Variants in CPNE4 observed in about 807,000 individuals in gnomAD.
CPNE4 encodes the protein copine-4.
CPNE4 carries 25 observed loss-of-function variants against 67.9 expected under a neutral mutation model. That is an observed-to-expected ratio of 0.37 (90% CI 0.27 to 0.51). The LOEUF is 0.51. CPNE4 is among the 20% of genes least tolerant of loss of function. CPNE4 has a pLI of 0.93. For missense variants in CPNE4, 464 were observed against 690.8 expected (o/e 0.67, Z 3.68); for synonymous variants, 242 against 244.9 (o/e 0.99, Z 0.11).
intron 2 of CPNE4, among the ~76,000 whole-genome samples, chr3:131,770,948 T>C (rs918108672): frequency 1.3e-5 from 2 of 152,172 alleles, no homozygotes; most frequent in Non-Finnish European, 2.9e-5. Flanking sequence ...GATATTTCAT[T>C]TTATTGATCA....
intron 12 of CPNE4, among the ~76,000 whole-genome samples, chr3:131,553,016 A>T (rs1281009640): frequency 6.6e-6 from 1 of 152,114 alleles, no homozygotes; most frequent in Non-Finnish European, 1.5e-5. Context: ...CTACAGGTAA[A>T]ACAGACTGCA....
chr3:131,589,114 T>A (rs1938369913), intron 7 of CPNE4, among the ~76,000 whole-genome samples: 1 of 152,100 alleles, frequency 6.6e-6, no homozygotes, highest in Non-Finnish European at 1.5e-5. Flanking sequence ...TATGAAAGGA[T>A]GTTTATTGGG....
At chr3:131,700,215 A>G (rs975888831) in intron 3 of CPNE4, among the ~76,000 whole-genome samples, 2 of 152,062 alleles carry the variant, frequency 1.3e-5, no homozygotes, top group African/African-American at 4.8e-5. Flanking sequence ...AGAATTACAG[A>G]TAATGCAGTC....
intron 7 of CPNE4, among the ~76,000 whole-genome samples, chr3:131,658,042 A>G (rs375958778): frequency 1.2e-4 from 18 of 152,272 alleles, no homozygotes; most frequent in African/African-American, 3.8e-4. Context: ...TTCTGCTTCA[A>G]AAGTATTCAG....
intron 7 of CPNE4, among the ~76,000 whole-genome samples, chr3:131,637,909 GC>G (rs1210706943): frequency 1.3e-5 from 2 of 152,048 alleles, no homozygotes; most frequent in East Asian, 3.8e-4. Flanking sequence ...AAAATTATCA[GC>G]CAAAATTTTG....
At chr3:131,570,785 A>G (rs555893855) in intron 10 of CPNE4, among the ~76,000 whole-genome samples, 5 of 152,192 alleles carry the variant, frequency 3.3e-5, no homozygotes, top group African/African-American at 9.6e-5. Context: ...TAGATCATGT[A>G]TCAAATTCTC....
At chr3:131,710,437 A>G (rs1200729533) in intron 3 of CPNE4, among the ~76,000 whole-genome samples, 3 of 152,138 alleles carry the variant, frequency 2.0e-5, no homozygotes, top group Non-Finnish European at 4.4e-5. Flanking sequence ...GGATACTTTT[A>G]TCCTCTCTGT....
chr3:131,846,320 ATCT>A (rs1443243819), intron 2 of CPNE4, among the ~76,000 whole-genome samples: 3 of 152,198 alleles, frequency 2.0e-5, no homozygotes, highest in Non-Finnish European at 4.4e-5. Flanking sequence ...AATCGCTGGT[ATCT>A]TCTTCTCTCC....
intron 2 of CPNE4, among the ~76,000 whole-genome samples, chr3:131,792,741 ATATG>A (rs1457667915): frequency 7.4e-6 from 1 of 135,658 alleles, no homozygotes; most frequent in Non-Finnish European, 1.6e-5. Context: ...ACGTGTGTAT[ATATG>A]TATATATATA....
chr3:131,751,898 A>T (rs1179395955), intron 2 of CPNE4, among the ~76,000 whole-genome samples: 1 of 152,054 alleles, frequency 6.6e-6, no homozygotes, highest in African/African-American at 2.4e-5. Flanking sequence ...TGACAGCCAA[A>T]GCTTGAGGCT....
At position 131,753,268 on chromosome 3, in the gene CPNE4, A is replaced by G. The variant is rs145369463; in HGVS notation, c.181-29643T>C. On this transcript the variant is annotated intron_variant, in intron 2 of 15. Transcript: ENST00000429747. Reference sequence around the variant, plus strand: ...TTACTCCATACTGAAATTAAAAAGCATGTCTAGAGACCGTAAATTCTCAAA... The same window carrying G: ...TTACTCCATACTGAAATTAAAAAGCGTGTCTAGAGACCGTAAATTCTCAAA... Among the ~76,000 whole-genome samples, 602 of 152,062 alleles carry G rather than the reference A, an allele frequency of 4.0e-3. 6 individuals carry two copies. Among genetic ancestry groups the G allele is most frequent in the African/African-American group, 0.014 (571 of 41,566 alleles).
chr3:131,731,037 T>TTC (rs1396039297), intron 2 of CPNE4, among the ~76,000 whole-genome samples: 1 of 152,178 alleles, frequency 6.6e-6, no homozygotes, highest in African/African-American at 2.4e-5. Context: ...CAGTAAAACC[T>TTC]TCAAATACTC....
chr3:131,663,126 C>A (rs1368396460), intron 7 of CPNE4, among the ~76,000 whole-genome samples: 1 of 152,148 alleles, frequency 6.6e-6, no homozygotes, highest in Non-Finnish European at 1.5e-5. Context: ...GAATACTATG[C>A]AGCCATAAAG....
At chr3:132,019,991 T>C (rs1176029347) in intron 1 of CPNE4, among the ~76,000 whole-genome samples, 3 of 152,124 alleles carry the variant, frequency 2.0e-5, no homozygotes, top group Admixed American at 2.0e-4. Context: ...ATCTCTAAAT[T>C]AAAGTCAAAC....
intron 7 of CPNE4, among the ~76,000 whole-genome samples, chr3:131,642,570 T>C (rs1269179347): frequency 1.3e-5 from 2 of 152,208 alleles, no homozygotes; most frequent in Admixed American, 6.5e-5. Context: ...TCAAATGTTA[T>C]CTTGAATTGT....
chr3:131,975,730 G>A (rs1461686512), intron 1 of CPNE4, among the ~76,000 whole-genome samples: 2 of 152,080 alleles, frequency 1.3e-5, no homozygotes, highest in Admixed American at 6.5e-5. Context: ...CAGAGTATAG[G>A]CTGAAGTTCT....
chr3:131,779,914 G>T (rs2083391278), intron 2 of CPNE4, among the ~76,000 whole-genome samples: 1 of 151,974 alleles, frequency 6.6e-6, no homozygotes, highest in South Asian at 2.1e-4. Context: ...TATAAAATGG[G>T]AGAAAATATT....
intron 2 of CPNE4, among the ~76,000 whole-genome samples, chr3:131,751,205 A>G (rs1224128209): frequency 6.6e-6 from 1 of 151,990 alleles, no homozygotes; most frequent in Non-Finnish European, 1.5e-5. Context: ...AAATTTTGTA[A>G]GTTTTCTGCC....
At chr3:131,544,390 A>G (rs1485952135) in intron 14 of CPNE4, among the ~76,000 whole-genome samples, 1 of 152,200 alleles carries the variant, frequency 6.6e-6, no homozygotes, top group Non-Finnish European at 1.5e-5. Flanking sequence ...AGCTGGAGGT[A>G]GGTGAACTTC....
Sources: allele counts gnomAD v4.1 joint callset (sites outside exome capture counted in the v4.1 genomes callset), GRCh38; gene constraint gnomAD v4.1.1; transcripts MANE v1.5; gene names NCBI Gene and HGNC (gene_info 2026-07-23, HGNC 2026-07-21).